MYBL1: variants seen among roughly 807,000 people sequenced by gnomAD.
MYBL1 encodes MYB proto-oncogene like 1, also known as myb-related protein A.
MYBL1 carries 17 observed loss-of-function variants against 96.3 expected under a neutral mutation model. The observed-to-expected ratio is 0.18, with a 90% confidence interval of 0.12 to 0.26. The LOEUF (loss-of-function observed/expected upper bound fraction) is 0.26, where lower values mean the gene tolerates loss of function less well. Ranked by LOEUF, MYBL1 falls within the 10% of genes least tolerant of loss-of-function variation. MYBL1 has a pLI of 1.00. For missense variants in MYBL1, 701 were observed against 882.9 expected (o/e 0.79, Z 2.61); for synonymous variants, 282 against 292.7 (o/e 0.96, Z 0.37).
chr8:66,587,589 AC>A (rs946444621), intron 8 of MYBL1, among the ~76,000 whole-genome samples: 1 of 152,218 alleles, frequency 6.6e-6, no homozygotes, highest in Non-Finnish European at 1.5e-5. Context: ...ATGAGAAACA[AC>A]ATGTAAAGTG....
At chr8:66,579,732 C>G (rs188733585) in intron 9 of MYBL1, among the ~76,000 whole-genome samples, 2 of 151,100 alleles carry the variant, frequency 1.3e-5, no homozygotes, top group Admixed American at 1.3e-4. Flanking sequence ...AAAAAATCCA[C>G]AAATATAATA....
intron 1 of MYBL1, among the ~76,000 whole-genome samples, chr8:66,611,746 G>A (rs1382638049): frequency 2.0e-5 from 3 of 152,184 alleles, no homozygotes; most frequent in Admixed American, 6.5e-5. Context: ...CACAGCAGAT[G>A]CTTAACAGAA....
chr8:66,572,947 G>T (rs1039489189), intron 11 of MYBL1, among the ~76,000 whole-genome samples: 3 of 152,072 alleles, frequency 2.0e-5, no homozygotes, highest in African/African-American at 4.8e-5. Flanking sequence ...GGCCACAGTG[G>T]CTCACACCTA....
intron 3 of MYBL1, among the ~76,000 whole-genome samples, chr8:66,600,731 T>A (rs1810035492): frequency 6.6e-6 from 1 of 152,170 alleles, no homozygotes; most frequent in Admixed American, 6.5e-5. Context: ...TTACTTGATC[T>A]CAATTTTTGG....
chr8:66,612,206 G>T (rs1468816470), intron 1 of MYBL1: 1 of 152,114 alleles, frequency 6.6e-6, no homozygotes, highest in Non-Finnish European at 1.5e-5. Flanking sequence ...ACTACTAGTT[G>T]TTACTATGTG....
chr8:66,569,034 A>T (rs1373311612), intron 12 of MYBL1, among the ~76,000 whole-genome samples: 1 of 152,126 alleles, frequency 6.6e-6, no homozygotes, highest in East Asian at 1.9e-4. Context: ...CAAAAAAAGA[A>T]AAAAGATTAT....
At chr8:66,598,328 C>CT (rs1809931527) in intron 4 of MYBL1, among the ~76,000 whole-genome samples, 1 of 152,110 alleles carries the variant, frequency 6.6e-6, no homozygotes, top group Non-Finnish European at 1.5e-5. Context: ...TTTTGAGTGG[C>CT]CAAGATGGGC....
At chr8:66,603,026 T>C (rs1420499577) in intron 1 of MYBL1, among the ~76,000 whole-genome samples, 2 of 151,968 alleles carry the variant, frequency 1.3e-5, no homozygotes, top group Non-Finnish European at 2.9e-5. Flanking sequence ...ATTACAGGCG[T>C]GAGCCACTGC....
intron 6 of MYBL1, among the ~76,000 whole-genome samples, chr8:66,594,537 G>A (rs1264555609): frequency 6.6e-6 from 1 of 151,810 alleles, no homozygotes; most frequent in Non-Finnish European, 1.5e-5. Context: ...TACTCTGTTG[G>A]CCCCATGTAT....
At chr8:66,600,896 C>T (rs1326169078) in intron 3 of MYBL1, among the ~76,000 whole-genome samples, 11 of 151,910 alleles carry the variant, frequency 7.2e-5, no homozygotes, top group African/African-American at 2.7e-4. Flanking sequence ...GAGGACCAGG[C>T]GCGGTAACTC....
At chr8:66,586,571 T>C (rs1037796758) in intron 8 of MYBL1, among the ~76,000 whole-genome samples, 3 of 152,154 alleles carry the variant, frequency 2.0e-5, no homozygotes, top group Admixed American at 6.6e-5. Flanking sequence ...GGAACTCTAC[T>C]GTTGGAAGGA....
chr8:66,592,981 TTTATAG>T (rs1487778942), intron 7 of MYBL1, 133 bp downstream of exon 7: 2 of 554,016 alleles, frequency 3.6e-6, no homozygotes, highest in Admixed American at 3.4e-5. Context: ...CACTTTCTTC[TTTATAG>T]TTAGAGTACT....
At chr8:66,591,138 G>A (rs1243764756) in intron 8 of MYBL1, among the ~76,000 whole-genome samples, 1 of 151,988 alleles carries the variant, frequency 6.6e-6, no homozygotes, top group Non-Finnish European at 1.5e-5. Context: ...CACGAGGTCA[G>A]GAGATCGAGA....
At chr8:66,606,539 G>C (rs1358000596) in intron 1 of MYBL1, among the ~76,000 whole-genome samples, 1 of 152,098 alleles carries the variant, frequency 6.6e-6, no homozygotes, top group Non-Finnish European at 1.5e-5. Context: ...TTACAAAATT[G>C]AAAAATGAAG....
chr8:66,580,549 T>A (rs1266203800), intron 8 of MYBL1, among the ~76,000 whole-genome samples, 183 bp from the exon 9 acceptor site: 2 of 152,226 alleles, frequency 1.3e-5, no homozygotes, highest in Admixed American at 6.5e-5. Context: ...TAATTAAAAT[T>A]TTTAATCTAT....
chr8:66,590,670 G>A (rs894126545), intron 8 of MYBL1, among the ~76,000 whole-genome samples: 1 of 150,958 alleles, frequency 6.6e-6, no homozygotes, highest in East Asian at 1.9e-4. Context: ...GTGAGAGAGT[G>A]AGACTCTGTC....
intron 8 of MYBL1, among the ~76,000 whole-genome samples, chr8:66,583,808 G>T (rs1318174989): frequency 6.6e-6 from 1 of 152,136 alleles, no homozygotes; most frequent in Admixed American, 6.5e-5. Context: ...TAGCAAGACT[G>T]AATGTGCAAT....
intron 12 of MYBL1, 77 bp from the exon 13 acceptor site, chr8:66,567,069 T>C: frequency 1.2e-6 from 1 of 860,376 alleles, no homozygotes. Flanking sequence ...GAAACCCATC[T>C]TTTATACTTG....
intron 7 of MYBL1, 150 bp downstream of exon 7, chr8:66,592,970 A>G (rs1252988902): frequency 3.7e-6 from 2 of 538,564 alleles, no homozygotes; most frequent in Admixed American, 6.9e-5. Context: ...ACTCACTTAC[A>G]CACTTTCTTC....
Sources: gnomAD v4.1 joint callset for allele counts (sites outside exome capture counted in the v4.1 genomes callset) on GRCh38, gnomAD v4.1.1 for gene constraint, MANE v1.5 for transcripts, NCBI Gene and HGNC (gene_info 2026-07-23, HGNC 2026-07-21) for gene names.